HDAC5: variants seen among roughly 807,000 people sequenced by gnomAD.
HDAC5 encodes the protein histone deacetylase 5, also known as antigen NY-CO-9.
In HDAC5, 25 loss-of-function variants were observed where a neutral mutation model predicts 133.3. The ratio of observed to expected loss-of-function variants is 0.19; its 90% CI spans 0.14 to 0.26. HDAC5 has a LOEUF of 0.26. Among genes scored for constraint, HDAC5 ranks in the 10% least tolerant of loss-of-function variants. The probability of loss-of-function intolerance (pLI) is 1.00; values close to 1 mark genes in which losing one functional copy is unlikely to be tolerated. For missense variants in HDAC5, 1,041 were observed against 1,460.5 expected, an observed-to-expected ratio of 0.71 and a Z score of 4.68; for synonymous variants, 589 against 610.8, an observed-to-expected ratio of 0.96 and a Z score of 0.53.
chr17:44,080,143 G>T lies in HDAC5; in HGVS notation c.2908C>A (p.Leu970Met), dbSNP rs549500919. ...SAGFDAVEGH[L>M]SPLGGYSVTA... Reference sequence around the variant, plus strand: ...ACAGAGTAGCCACCCAGAGGAGACAGATGTCCTTCAACAGCATCAAACCCG... The same window carrying T: ...ACAGAGTAGCCACCCAGAGGAGACATATGTCCTTCAACAGCATCAAACCCG... Residue 970 changes from leucine to methionine, a missense_variant, in exon 23 of 27, where the codon CTG becomes ATG. Around this residue, in one of 9 missense-constraint regions of HDAC5, gnomAD observed 174 missense variants for 352.7 expected, o/e 0.49. Transcript: ENST00000682912. 1.2e-6 allele frequency: 2 copies of T among 1,614,046 alleles called. No homozygotes were observed. The highest frequency in any genetic ancestry group is 1.7e-6 in the Non-Finnish European group (2 of 1,179,982).
At chr17:44,085,297 G>T in intron 14 of HDAC5, 142 bp from the exon 15 acceptor site, 1 of 703,398 alleles carries the variant, frequency 1.4e-6, no homozygotes, top group Non-Finnish European at 2.1e-6. Context: ...CAGCCACCCT[G>T]CCACAAACCT....
At chr17:44,089,791 G>A (rs1310868251) in intron 11 of HDAC5, among the ~76,000 whole-genome samples, 1 of 149,300 alleles carries the variant, frequency 6.7e-6, no homozygotes, top group East Asian at 2.0e-4. Context: ...GGGTGTGGTG[G>A]CACACGCCTG....
At chr17:44,101,322 A>G (rs2143436121) in intron 3 of HDAC5, among the ~76,000 whole-genome samples, 1 of 146,800 alleles carries the variant, frequency 6.8e-6, no homozygotes, top group African/African-American at 2.5e-5. Context: ...GAGGCAGGAG[A>G]ATGGCATGAA....
chr17:44,091,531 T>A (rs201559897), intron 10 of HDAC5, 39 bp from the exon 11 acceptor site: 1 of 1,525,066 alleles, frequency 6.6e-7, no homozygotes, highest in East Asian at 2.3e-5. Context: ...GCCTCAGTCC[T>A]GCCAACTTTG....
rs934848332 is a variant in HDAC5, at chr17:44,110,648, G to C, written c.94+81C>G. The C allele has an allele frequency of 3.3e-5, 37 of 1,123,664 alleles. No individual in the cohort carries two copies. The African/African-American group carries it at 5.2e-4, about 16-fold the overall frequency. The allele number at this position is 1,123,664 out of a possible 1,614,324, so 69.6% of individuals were successfully genotyped here. ...CAGATCTATGCAGGACCCTATCTGT[G>C]CAAGGCTCAGGGCCAGATGCTCAGC... On this transcript the variant is annotated intron_variant, in intron 3 of 26. Transcript: ENST00000682912.
intron 15 of HDAC5, 152 bp downstream of exon 15, chr17:44,084,870 G>T: frequency 8.0e-7 from 1 of 1,254,824 alleles, no homozygotes; most frequent in Non-Finnish European, 1.1e-6. Context: ...GGGAAAACAG[G>T]CTGCAAGGGA....
intron 3 of HDAC5, among the ~76,000 whole-genome samples, chr17:44,094,743 CGTATGT>C (rs1261930081): frequency 1.2e-5 from 1 of 83,442 alleles, no homozygotes; most frequent in Non-Finnish European, 3.3e-5. Flanking sequence ...TATGTGTGTA[CGTATGT>C]GTGTGTATAT....
At chr17:44,090,456 C>T (rs1341419283) in intron 11 of HDAC5, among the ~76,000 whole-genome samples, 1 of 149,376 alleles carries the variant, frequency 6.7e-6, no homozygotes, top group African/African-American at 2.5e-5. Flanking sequence ...CTCACTGCAA[C>T]CTCCGCCTCC....
At chr17:44,121,624 G>T (rs1418823602) in intron 1 of HDAC5, among the ~76,000 whole-genome samples, 1 of 151,488 alleles carries the variant, frequency 6.6e-6, no homozygotes, top group East Asian at 1.9e-4. Context: ...CCACTATGCG[G>T]GAACACAAAT....
At chr17:44,079,048 G>A (rs2050254600) in intron 24 of HDAC5, 96 bp downstream of exon 24, 2 of 1,544,708 alleles carry the variant, frequency 1.3e-6, no homozygotes, top group Non-Finnish European at 1.8e-6. Flanking sequence ...TTAGGACCAA[G>A]GAAAAGCTTC....
intron 1 of HDAC5, 132 bp downstream of exon 1, chr17:44,123,372 A>C: frequency 3.0e-6 from 1 of 333,194 alleles, no homozygotes. Flanking sequence ...CAGGGCCGGG[A>C]GGAAGGAAGG....
chr17:44,098,188 G>A (rs1308768066), intron 3 of HDAC5, among the ~76,000 whole-genome samples: 1 of 152,222 alleles, frequency 6.6e-6, no homozygotes, highest in Non-Finnish European at 1.5e-5. Context: ...AGTCTGCCCA[G>A]GCACAGACCC....
chr17:44,112,546 A>G (rs1464277358), intron 2 of HDAC5, among the ~76,000 whole-genome samples: 1 of 151,772 alleles, frequency 6.6e-6, no homozygotes, highest in Non-Finnish European at 1.5e-5. Context: ...GGAGCCAGGG[A>G]CACCTGTCCT....
chr17:44,083,990 G>A, intron 16 of HDAC5, 136 bp from the exon 17 acceptor site: 2 of 699,520 alleles, frequency 2.9e-6, no homozygotes, highest in Non-Finnish European at 5.1e-6. Context: ...TGGGCGTGGT[G>A]GCACACACCT....
chr17:44,093,518 G>T, intron 4 of HDAC5, 33 bp from the exon 5 acceptor site: 1 of 1,599,738 alleles, frequency 6.3e-7, no homozygotes. Flanking sequence ...GCACAAGTGA[G>T]CCAGGCCCGG....
chr17:44,093,767 G>A lies in HDAC5; in HGVS notation c.162C>T (p.Pro54=). 6.3e-7 allele frequency: 1 copy of A among 1,585,176 alleles called. No homozygotes were observed. The highest frequency in any genetic ancestry group is 8.6e-7 in the Non-Finnish European group (1 of 1,164,664). ...SSMGGGGGGS[P]SPVELRGALV... ...GAGCCCCCCGTAGCTCCACAGGGCT[G>A]GGGCTGCCTCCACCCCCACCCCCCA... The change falls in exon 4 of 27, where the codon CCC becomes CCT. Residue 54 remains proline, a synonymous_variant. Coordinates refer to ENST00000682912, the MANE Select transcript of HDAC5 (RefSeq NM_005474.5).
intron 15 of HDAC5, 74 bp from the exon 16 acceptor site, chr17:44,084,749 GCA>G (rs2050567756): frequency 1.3e-6 from 2 of 1,555,958 alleles, no homozygotes; most frequent in African/African-American, 2.7e-5. Flanking sequence ...CATAGCCAGG[GCA>G]CACAGAGCCA....
intron 2 of HDAC5, among the ~76,000 whole-genome samples, chr17:44,112,344 C>T (rs1393822902): frequency 1.3e-5 from 2 of 152,184 alleles, no homozygotes; most frequent in South Asian, 2.1e-4. Context: ...GGCACTCCCC[C>T]GCCCTCCCCA....
chr17:44,084,435 G>T, intron 16 of HDAC5, 120 bp downstream of exon 16: 1 of 1,207,686 alleles, frequency 8.3e-7, no homozygotes, highest in Non-Finnish European at 1.2e-6. Context: ...CACCTCTGCC[G>T]CAGCAATGCC....
Sources: allele counts gnomAD v4.1 joint callset (sites outside exome capture counted in the v4.1 genomes callset), GRCh38; gene constraint gnomAD v4.1.1; regional missense constraint gnomAD v4.1.1; transcripts MANE v1.5; gene names NCBI Gene and HGNC (gene_info 2026-07-23, HGNC 2026-07-21).